The following CARD8 variants were observed in gnomAD, a reference collection of about 807,000 sequenced individuals.
CARD8 encodes the protein caspase recruitment domain-containing protein 8.
Under a neutral mutation model 53.2 loss-of-function variants are expected in CARD8, and 38 were observed. The ratio of observed to expected loss-of-function variants is 0.71; its 90% confidence interval spans 0.55 to 0.94. The LOEUF is 0.94. Ranked by LOEUF, CARD8 falls within the 40% of genes least tolerant of loss-of-function variation. The probability of loss-of-function intolerance (pLI) is 0.00; values close to 1 mark genes in which losing one functional copy is unlikely to be tolerated. For missense variants in CARD8, 561 were observed against 655.5 expected, an observed-to-expected ratio of 0.86 and a Z score of 1.57; for synonymous variants, 245 against 244.9, an observed-to-expected ratio of 1.00 and a Z score of 0.00.
chr19:48,253,474 C>A (rs1207834803), intron 1 of CARD8, among the ~76,000 whole-genome samples: 1 of 152,092 alleles, frequency 6.6e-6, no homozygotes, highest in Non-Finnish European at 1.5e-5. Context: ...AGTGATATAC[C>A]ATATACATGG....
chr19:48,231,953 G>A (rs763849222), intron 7 of CARD8, 143 bp from the exon 8 acceptor site: 1 of 749,508 alleles, frequency 1.3e-6, no homozygotes, highest in African/African-American at 1.7e-5. Context: ...ATGCAGTTTC[G>A]CTTCTTTGAA....
At chr19:48,215,089 C>A in intron 13 of CARD8, 2 of 358,350 alleles carry the variant, frequency 5.6e-6, no homozygotes, top group South Asian at 5.7e-5. Flanking sequence ...TGCGCCTGGC[C>A]TCTTGCTGTA....
chr19:48,219,958 A>G (rs1600179561), intron 11 of CARD8, among the ~76,000 whole-genome samples: 1 of 152,276 alleles, frequency 6.6e-6, no homozygotes, highest in African/African-American at 2.4e-5. Context: ...GCGACAGAGT[A>G]AGACTCTGTC....
At chr19:48,248,273 C>T (rs1310642884) in intron 3 of CARD8, among the ~76,000 whole-genome samples, 1 of 152,114 alleles carries the variant, frequency 6.6e-6, no homozygotes, top group Non-Finnish European at 1.5e-5. Context: ...CCCAGCCACC[C>T]GGAGGCCGAG....
At chr19:48,223,603 T>C (rs2041133668) in intron 10 of CARD8, 1 of 295,196 alleles carries the variant, frequency 3.4e-6, no homozygotes, top group African/African-American at 2.2e-5. Flanking sequence ...CATGAACAGA[T>C]ATGTTTAAAT....
Position 48,231,005 on chromosome 19 carries a change from C to A in CARD8, c.544G>T (p.Val182Phe), listed in dbSNP as rs150982505. The A allele has an allele frequency of 1.6e-3, 2,550 of 1,613,032 alleles. 6 individuals carry two copies. Among genetic ancestry groups the A allele is most frequent in the Non-Finnish European group, 2.0e-3 (2,332 of 1,179,068 alleles). ...LIDKSTNRYS[V>F]WFPTAGWYLW... ...TACCAGCCAGCAGTGGGGAACCAAA[C>A]GCTGAAAGGAGCCAGAGTGATGTCA... The change falls in exon 9 of 14, where the codon GTT becomes TTT. Residue 182 changes from valine to phenylalanine, a missense_variant and splice_region_variant. Coordinates refer to ENST00000651546, the MANE Select transcript of CARD8 (RefSeq NM_001184900.3).
chr19:48,232,888 T>G (rs1277596042), intron 6 of CARD8: 1 of 422,476 alleles, frequency 2.4e-6, no homozygotes, highest in African/African-American at 2.0e-5. Context: ...TGTCTTGACA[T>G]CTCTCCTTCT....
chr19:48,232,191 G>A (rs2043029458), intron 7 of CARD8: 2 of 579,124 alleles, frequency 3.5e-6, no homozygotes, highest in African/African-American at 1.9e-5. Flanking sequence ...AAGATGCAGA[G>A]GCGAAAGAGC....
intron 3 of CARD8, among the ~76,000 whole-genome samples, chr19:48,242,986 T>C (rs954905958): frequency 6.6e-6 from 1 of 152,176 alleles, no homozygotes; most frequent in Non-Finnish European, 1.5e-5. Flanking sequence ...GATTAACTTT[T>C]ATATAATAAT....
chr19:48,218,281 T>C lies in CARD8; in HGVS notation c.1303+590A>G, dbSNP rs1338133775. Among the ~76,000 whole-genome samples, 7 of 152,072 alleles carry C rather than the reference T, an allele frequency of 4.6e-5. No homozygotes were observed. The East Asian group carries it at 1.3e-3, about 29-fold the overall frequency. On this transcript the variant is annotated intron_variant, in intron 12 of 13. Transcript: ENST00000651546. The stretch of plus-strand genomic sequence containing the variant: ...TTGTTACAAAGGTAAACATGTGCCA[T>C]GGTGGTTTGCTGCACCTATCAAATC...
chr19:48,220,954 A>AAGGAAGGAAGG (rs10638078), intron 11 of CARD8, among the ~76,000 whole-genome samples: 19,435 of 100,446 alleles, frequency 0.19, 2,943 homozygotes, highest in East Asian at 0.27. Flanking sequence ...AAAGGAAAGG[A>AAGGAAGGAAGG]AAGGAAGGAA....
At chr19:48,226,204 A>AT (rs541639032) in intron 10 of CARD8, among the ~76,000 whole-genome samples, 2 of 152,006 alleles carry the variant, frequency 1.3e-5, no homozygotes, top group Non-Finnish European at 2.9e-5. Flanking sequence ...AAAAATTTTA[A>AT]TTTTTTTTCT....
chr19:48,221,722 C>T lies in CARD8; in HGVS notation c.1161+8G>A. The T allele has an allele frequency of 6.4e-7, 1 of 1,558,056 alleles. No homozygotes were observed. Among genetic ancestry groups the T allele is most frequent in the East Asian group, 2.3e-5 (1 of 43,946 alleles). On this transcript the variant is annotated splice_region_variant and intron_variant, in intron 11 of 13. Transcript: ENST00000651546. ...AAACCTGCTGAGTTGGGTTTGAATTCTACTAACCTTGGGCATTACTTTCAG... is the reference window on the plus strand; with the variant it reads ...AAACCTGCTGAGTTGGGTTTGAATTTTACTAACCTTGGGCATTACTTTCAG...
intron 10 of CARD8, among the ~76,000 whole-genome samples, chr19:48,229,162 A>G (rs2042365923): frequency 2.0e-5 from 3 of 152,176 alleles, no homozygotes; most frequent in Admixed American, 1.3e-4. Context: ...AAAAGAAAAG[A>G]AAAAGAACAA....
Position 48,234,394 on chromosome 19 carries a change from T to G in CARD8, c.350+9A>C, listed in dbSNP as rs2146360324. ...TCCAATAGTTTTCCAACGGAATAGC[T>G]TTTCTTACCTGGGAATGTCCCCCCC... On this transcript the variant is annotated intron_variant, in intron 6 of 13. Transcript: ENST00000651546. 2 of 1,605,842 alleles carry G rather than the reference T, an allele frequency of 1.2e-6. No individual in the cohort carries two copies. The highest frequency in any genetic ancestry group is 2.2e-5 in the South Asian group (2 of 90,140).
At chr19:48,217,189 C>G (rs141425047) in intron 12 of CARD8, among the ~76,000 whole-genome samples, 1 of 152,120 alleles carries the variant, frequency 6.6e-6, no homozygotes, top group African/African-American at 2.4e-5. Context: ...GCCTGCTCAC[C>G]GTCCACTCAC....
intron 12 of CARD8, among the ~76,000 whole-genome samples, chr19:48,216,449 G>A (rs1600121130): frequency 6.6e-6 from 1 of 152,188 alleles, no homozygotes; most frequent in African/African-American, 2.4e-5. Flanking sequence ...GGGAGGAGGC[G>A]GGGAGGGTGC....
At chr19:48,236,803 T>C (rs887035567) in intron 5 of CARD8, among the ~76,000 whole-genome samples, 2 of 151,706 alleles carry the variant, frequency 1.3e-5, no homozygotes, top group Non-Finnish European at 2.9e-5. Context: ...TGATGGAGTT[T>C]TGCTCTTGTT....
intron 10 of CARD8, among the ~76,000 whole-genome samples, chr19:48,222,549 C>T (rs997304532): frequency 1.3e-5 from 2 of 152,170 alleles, no homozygotes; most frequent in East Asian, 1.9e-4. Context: ...ATTAGCCGGG[C>T]GTGGTGGCGG....
Sources: allele counts gnomAD v4.1 joint callset (sites outside exome capture counted in the v4.1 genomes callset), GRCh38; gene constraint gnomAD v4.1.1; transcripts MANE v1.5; gene names NCBI Gene and HGNC (gene_info 2026-07-23, HGNC 2026-07-21).